Variants in PAAF1 observed in about 807,000 individuals in gnomAD.
PAAF1 encodes the protein proteasomal ATPase associated factor 1.
PAAF1 carries 46 observed loss-of-function variants against 52.8 expected under a neutral mutation model. The ratio of observed to expected loss-of-function variants is 0.87; its 90% confidence interval spans 0.69 to 1.11. The LOEUF (loss-of-function observed/expected upper bound fraction) is 1.11. PAAF1 is among the 50% of genes most tolerant of loss of function. PAAF1 has a pLI of 0.00. For synonymous variants in PAAF1, 178 were observed against 172.8 expected, an observed-to-expected ratio of 1.03 and a Z score of -0.24; for missense variants, 424 against 477.4, an observed-to-expected ratio of 0.89 and a Z score of 1.04.
intron 2 of PAAF1, among the ~76,000 whole-genome samples, chr11:73,885,081 G>C (rs1031374283): frequency 2.0e-5 from 3 of 151,262 alleles, no homozygotes; most frequent in Admixed American, 6.6e-5. Context: ...GGATGGTCTC[G>C]ATCTCCTGAC....
intron 6 of PAAF1, among the ~76,000 whole-genome samples, chr11:73,904,954 T>C (rs1455806301): frequency 1.3e-5 from 2 of 152,198 alleles, no homozygotes; most frequent in African/African-American, 2.4e-5. Flanking sequence ...TTTGGTTTGA[T>C]ATCTAAAGCC....
intron 6 of PAAF1, among the ~76,000 whole-genome samples, chr11:73,901,416 A>G (rs1949609182): frequency 6.6e-6 from 1 of 152,202 alleles, no homozygotes; most frequent in African/African-American, 2.4e-5. Context: ...TACAAGTTTG[A>G]ATATTTTAAA....
At chr11:73,900,798 C>T (rs923185037) in intron 6 of PAAF1, among the ~76,000 whole-genome samples, 32 of 151,644 alleles carry the variant, frequency 2.1e-4, no homozygotes, top group Middle Eastern at 3.4e-3. Context: ...CCGGCTAAAA[C>T]GGTGAAACCC....
chr11:73,924,825 G>A lies in PAAF1; in HGVS notation c.1101+128G>A, dbSNP rs552983623. The A allele has an allele frequency of 1.0e-5, 7 of 692,764 alleles. No homozygotes were observed. In the Admixed American group the frequency reaches 1.5e-4, roughly 14 times the overall value. 42.9% of individuals were successfully genotyped at this position (692,764 alleles called of 1,614,324 possible). Reference sequence around the variant, plus strand: ...ATAGTGCTTATTGTATAAGCAGTGTGGTAGGATGGCAAGAAATCAAGAGCT... The same window carrying A: ...ATAGTGCTTATTGTATAAGCAGTGTAGTAGGATGGCAAGAAATCAAGAGCT... On this transcript the variant is annotated intron_variant, in intron 11 of 11. Coordinates refer to ENST00000310571, the MANE Select transcript of PAAF1 (RefSeq NM_025155.3).
intron 3 of PAAF1, among the ~76,000 whole-genome samples, 195 bp from the exon 4 acceptor site, chr11:73,890,917 G>GA (rs1382402355): frequency 1.3e-5 from 2 of 152,160 alleles, no homozygotes; most frequent in African/African-American, 4.8e-5. Flanking sequence ...AAATTACACT[G>GA]TAGCCCTCAA....
chr11:73,909,342 G>A, intron 6 of PAAF1, 57 bp from the exon 7 acceptor site: 6 of 1,518,350 alleles, frequency 4.0e-6, no homozygotes, highest in Non-Finnish European at 4.5e-6. Flanking sequence ...CATCTTCTCT[G>A]CCCTTGTAGT....
At position 73,887,612 on chromosome 11, in the gene PAAF1, A is replaced by G. The variant is rs146833784; in HGVS notation, c.192+155A>G. ...TCTGTGAGTGTCATTGGTATTTTCTATTGTAGTTACATATACTTTTAAGTG... is the reference window on the plus strand; with the variant it reads ...TCTGTGAGTGTCATTGGTATTTTCTGTTGTAGTTACATATACTTTTAAGTG... On this transcript the variant is annotated intron_variant, in intron 3 of 11. Transcript: ENST00000310571. Among the ~76,000 whole-genome samples the G allele has an allele frequency of 3.2e-3, 493 of 152,252 alleles. 4 individuals are homozygous for G. The highest frequency in any genetic ancestry group is 4.7e-3 in the Non-Finnish European group (322 of 68,018).
At chr11:73,898,169 AAGAGAGGGAGAGGGAGACCGTGGGGAG>A (rs1157183013) in intron 4 of PAAF1, among the ~76,000 whole-genome samples, 8 of 136,662 alleles carry the variant, frequency 5.9e-5, no homozygotes, top group African/African-American at 2.2e-4. Context: ...AGACCGTGGA[AAGAGAGGGAGAGGGAGACCGTGGGGAG>A]AGGGAGGGGG....
intron 10 of PAAF1, among the ~76,000 whole-genome samples, chr11:73,922,373 C>T (rs1950244378): frequency 6.6e-6 from 1 of 152,114 alleles, no homozygotes; most frequent in South Asian, 2.1e-4. Flanking sequence ...TCAGAAACCA[C>T]ATTTCAGTTA....
chr11:73,877,111 G>A, intron 1 of PAAF1, 43 bp downstream of exon 1: 1 of 1,489,766 alleles, frequency 6.7e-7, no homozygotes, highest in Non-Finnish European at 9.0e-7. Context: ...GCGGGTAGTG[G>A]ATGTTGCTTT....
chr11:73,922,759 G>A (rs1370397394), intron 10 of PAAF1, among the ~76,000 whole-genome samples: 1 of 150,466 alleles, frequency 6.6e-6, no homozygotes, highest in Admixed American at 6.6e-5. Context: ...GGAGCTTGCA[G>A]TGAGCCGAGA....
Position 73,909,542 on chromosome 11 carries a change from G to A in PAAF1, c.676G>A (p.Val226Met). The A allele has an allele frequency of 6.2e-7, 1 of 1,614,194 alleles. No individual in the cohort carries two copies. The highest frequency in any genetic ancestry group is 8.5e-7 in the Non-Finnish European group (1 of 1,180,040). ...TGGTTCTTCTATCAATGGAGTGGCGGTGGGTGCTGCTGACAACTCCATAAA... is the reference window on the plus strand; with the variant it reads ...TGGTTCTTCTATCAATGGAGTGGCGATGGGTGCTGCTGACAACTCCATAAA... ...DCGSSINGVA[V>M]GAADNSINLG... Residue 226 changes from valine to methionine, a missense_variant, in exon 7 of 12, where the codon GTG becomes ATG. Val to Met is a conservative substitution (Grantham distance 21). Coordinates refer to ENST00000310571, the MANE Select transcript of PAAF1 (RefSeq NM_025155.3).
At chr11:73,925,960 ATC>A in intron 11 of PAAF1, among the ~76,000 whole-genome samples, 1 of 152,272 alleles carries the variant, frequency 6.6e-6, no homozygotes, top group South Asian at 2.1e-4. Context: ...GCACACTTAC[ATC>A]TTTATGTATT....
At position 73,887,343 on chromosome 11, in the gene PAAF1, G is replaced by A. The variant is rs1949088930; in HGVS notation, c.89-11G>A. 1.9e-6 allele frequency: 3 copies of A among 1,585,060 alleles called. No individual in the cohort carries two copies. The highest frequency in any genetic ancestry group is 2.6e-6 in the Non-Finnish European group (3 of 1,165,202). On this transcript the variant is annotated splice_polypyrimidine_tract_variant and intron_variant, in intron 2 of 11. Coordinates refer to ENST00000310571, the MANE Select transcript of PAAF1 (RefSeq NM_025155.3). ...TTATTTTTTGAGACATGCTTCTTTT[G>A]TACCATATAGGGAAACCATCTTTGT...
Position 73,900,422 on chromosome 11 carries a change from T to C in PAAF1, c.532+2T>C. 6.3e-7 allele frequency: 1 copy of C among 1,590,264 alleles called. No individual in the cohort carries two copies. The highest frequency in any genetic ancestry group is 8.6e-7 in the Non-Finnish European group (1 of 1,165,140). On this transcript the variant is annotated splice_donor_variant, in intron 6 of 11. Transcript: ENST00000310571. LOFTEE classifies it high-confidence loss of function. ...TGACCTTCAAAGGTCACAAAGGAGG[T>C]ATGAAGTGTGCTTTCTCCAAAAGGC...
At chr11:73,884,811 G>A (rs564184379) in intron 2 of PAAF1, among the ~76,000 whole-genome samples, 1 of 151,890 alleles carries the variant, frequency 6.6e-6, no homozygotes, top group Non-Finnish European at 1.5e-5. Context: ...TACCAAACTG[G>A]TGTATTAATT....
intron 6 of PAAF1, among the ~76,000 whole-genome samples, chr11:73,901,633 C>T (rs955464941): frequency 4.6e-5 from 7 of 151,210 alleles, no homozygotes; most frequent in Non-Finnish European, 7.4e-5. Context: ...GATGGAGTCT[C>T]ACTCTGTCGC....
rs539342564 is a variant in PAAF1, at chr11:73,904,097, G to GTA, written c.532+3688_532+3689dup. On this transcript the variant is annotated intron_variant, in intron 6 of 11. Transcript: ENST00000310571. ...AGACTCCGTCTCAAAAAAAAAAAAAGTATATATATATACATAAATTGGTCC... is the reference window on the plus strand; with the variant it reads ...AGACTCCGTCTCAAAAAAAAAAAAAGTATATATATATATACATAAATTGGTCC... Among the ~76,000 whole-genome samples, 156 of 150,708 alleles carry GTA rather than the reference G, an allele frequency of 1.0e-3. 1 individual carries two copies. Among genetic ancestry groups the GTA allele is most frequent in the African/African-American group, 3.4e-3 (141 of 41,108 alleles).
At chr11:73,923,008 C>T (rs1157473843) in intron 10 of PAAF1, among the ~76,000 whole-genome samples, 1 of 152,102 alleles carries the variant, frequency 6.6e-6, no homozygotes, top group East Asian at 1.9e-4. Context: ...CATTATCCAA[C>T]TTAAGCTATT....
Sources: gnomAD v4.1 joint callset for allele counts (sites outside exome capture counted in the v4.1 genomes callset) on GRCh38, gnomAD v4.1.1 for gene constraint, MANE v1.5 for transcripts, NCBI Gene and HGNC (gene_info 2026-07-23, HGNC 2026-07-21) for gene names.